C2CD3: variants seen among roughly 807,000 people sequenced by gnomAD.
C2CD3 encodes C2 domain containing 3 centriole elongation regulator, also known as C2 domain-containing protein 3.
A neutral mutation model predicts 234.0 loss-of-function variants in C2CD3; 148 were observed. The ratio of observed to expected loss-of-function variants is 0.63; its 90% CI spans 0.55 to 0.72. C2CD3 has a LOEUF of 0.72. Among genes scored for constraint, C2CD3 ranks in the 30% least tolerant of loss-of-function variants. The pLI is 0.00. For missense variants in C2CD3, 2,577 were observed against 2,811.5 expected, an observed-to-expected ratio of 0.92 and a Z score of 1.89; for synonymous variants, 1,000 against 1,035.4, an observed-to-expected ratio of 0.97 and a Z score of 0.66.
chr11:74,049,612 A>C, intron 26 of C2CD3, 70 bp from the exon 27 acceptor site: 1 of 1,205,870 alleles, frequency 8.3e-7, no homozygotes. Flanking sequence ...GAGGGTGCAC[A>C]CAGAGAAGCT....
At chr11:74,060,842 T>C (rs185912541) in intron 24 of C2CD3, among the ~76,000 whole-genome samples, 17 of 152,264 alleles carry the variant, frequency 1.1e-4, no homozygotes, top group Admixed American at 6.5e-4. Context: ...TAAAGGAGGA[T>C]GTTCGAACCC....
chr11:74,119,901 G>T (rs1173478803), intron 8 of C2CD3, among the ~76,000 whole-genome samples: 1 of 152,076 alleles, frequency 6.6e-6, no homozygotes. Context: ...CTCCTGAAGT[G>T]CTGGGATTAC....
chr11:74,061,269 C>T (rs1011240053), intron 24 of C2CD3, among the ~76,000 whole-genome samples: 10 of 152,134 alleles, frequency 6.6e-5, no homozygotes, highest in African/African-American at 2.2e-4. Flanking sequence ...TCAGGAAATA[C>T]AGAGAATGCC....
intron 8 of C2CD3, among the ~76,000 whole-genome samples, chr11:74,121,494 C>G (rs1243922247): frequency 6.6e-6 from 1 of 151,358 alleles, no homozygotes; most frequent in Non-Finnish European, 1.5e-5. Context: ...GTAATCCCAG[C>G]TACTCGGGAG....
At chr11:74,087,582 G>A (rs1254501542) in intron 20 of C2CD3, among the ~76,000 whole-genome samples, 1 of 151,814 alleles carries the variant, frequency 6.6e-6, no homozygotes, top group Non-Finnish European at 1.5e-5. Flanking sequence ...AAAAAATGAG[G>A]ATAAAATACT....
chr11:74,090,071 T>A (rs1293201393), intron 20 of C2CD3, among the ~76,000 whole-genome samples: 1 of 151,918 alleles, frequency 6.6e-6, no homozygotes, highest in Non-Finnish European at 1.5e-5. Flanking sequence ...GAAAATATGC[T>A]TGGTGTGTTC....
chr11:74,083,664 T>C (rs1955499728), intron 22 of C2CD3, among the ~76,000 whole-genome samples: 1 of 152,166 alleles, frequency 6.6e-6, no homozygotes, highest in Non-Finnish European at 1.5e-5. Context: ...AAAGAAGACA[T>C]TTATGCAGCC....
intron 3 of C2CD3, among the ~76,000 whole-genome samples, chr11:74,153,384 G>C (rs1855805946): frequency 6.6e-6 from 1 of 152,136 alleles, no homozygotes; most frequent in African/African-American, 2.4e-5. Flanking sequence ...AAGGCATATA[G>C]ATTAGAAAAG....
At chr11:74,052,383 CT>C (rs1459204411) in intron 26 of C2CD3, among the ~76,000 whole-genome samples, 3 of 152,152 alleles carry the variant, frequency 2.0e-5, no homozygotes, top group Non-Finnish European at 4.4e-5. Flanking sequence ...TACTATTATT[CT>C]AATTTTATAA....
Position 74,033,785 on chromosome 11 carries a change from G to T in C2CD3, c.6375C>A (p.Val2125=). The change falls in exon 31 of 33, where the codon GTC becomes GTA. Residue 2125 remains valine (V), a synonymous_variant. Coordinates refer to ENST00000334126, the MANE Select transcript of C2CD3 (RefSeq NM_001286577.2). The part of the protein sequence containing the change: ...PGPFCREELM[V]KSSFLSSPER... ...CTGGGCTGGAGAGAAAGCTACTTTT[G>T]ACCATAAGCTCCTCTCTGCAGAAAG... The T allele has an allele frequency of 1.3e-6, 2 of 1,536,294 alleles. No individual in the cohort carries two copies. The highest frequency in any genetic ancestry group is 1.2e-5 in the South Asian group (1 of 84,002).
At chr11:74,152,570 A>G (rs542570679) in intron 3 of C2CD3, among the ~76,000 whole-genome samples, 1 of 152,370 alleles carries the variant, frequency 6.6e-6, no homozygotes, top group African/African-American at 2.4e-5. Context: ...AGACAATGCA[A>G]CAAAACAATA....
chr11:74,169,021 T>C (rs1051439892), intron 1 of C2CD3, among the ~76,000 whole-genome samples: 2 of 152,226 alleles, frequency 1.3e-5, no homozygotes, highest in Non-Finnish European at 2.9e-5. Context: ...TATTGCAACA[T>C]CTATGGTTTT....
At chr11:74,040,861 C>T (rs1953004950) in intron 29 of C2CD3, among the ~76,000 whole-genome samples, 1 of 151,708 alleles carries the variant, frequency 6.6e-6, no homozygotes, top group Non-Finnish European at 1.5e-5. Flanking sequence ...GGTGTTCGAG[C>T]CCAGCCTGGG....
At position 74,139,712 on chromosome 11, in the gene C2CD3, T is replaced by G. The variant is rs1233471830; in HGVS notation, c.600A>C (p.Glu200Asp). The G allele has an allele frequency of 6.2e-7, 1 of 1,613,402 alleles. No individual in the cohort carries two copies. The highest frequency in any genetic ancestry group is 8.5e-7 in the Non-Finnish European group (1 of 1,179,490). ...LSKQGFRENT[E>D]PSSTQFQVPS... Reference sequence around the variant, plus strand: ...GAACCTGAAACTGGGTACTGCTGGGTTCAGTATTCTCTCTGAATCCCTGCT... The same window carrying G: ...GAACCTGAAACTGGGTACTGCTGGGGTCAGTATTCTCTCTGAATCCCTGCT... Residue 200 changes from glutamate (E) to aspartate (D), a missense_variant, in exon 4 of 33, where the codon GAA becomes GAC. Coordinates refer to ENST00000334126, the MANE Select transcript of C2CD3 (RefSeq NM_001286577.2).
At chr11:74,164,573 G>A (rs959778527) in intron 2 of C2CD3, among the ~76,000 whole-genome samples, 4 of 152,086 alleles carry the variant, frequency 2.6e-5, no homozygotes, top group East Asian at 1.9e-4. Flanking sequence ...GATAATACCC[G>A]TTGCAAATGT....
At chr11:74,114,824 C>T (rs1956871544) in intron 9 of C2CD3, among the ~76,000 whole-genome samples, 1 of 152,130 alleles carries the variant, frequency 6.6e-6, no homozygotes, top group African/African-American at 2.4e-5. Context: ...ACCTCAACTT[C>T]CCAAGTAGCT....
chr11:74,058,579 T>C (rs535028242), intron 24 of C2CD3, among the ~76,000 whole-genome samples: 26 of 152,326 alleles, frequency 1.7e-4, no homozygotes, highest in African/African-American at 6.0e-4. Flanking sequence ...AATTCAAGCA[T>C]TCTGGCTCCA....
intron 28 of C2CD3, among the ~76,000 whole-genome samples, chr11:74,045,181 C>T (rs80310207): frequency 0.021 from 3,155 of 152,280 alleles, 58 homozygotes; most frequent in Middle Eastern, 0.041. Flanking sequence ...AAAGACTAGT[C>T]TTTCCTCATT....
intron 3 of C2CD3, among the ~76,000 whole-genome samples, chr11:74,147,052 AAAAATAAAAT>A (rs200057554): frequency 2.5e-4 from 37 of 149,598 alleles, no homozygotes; most frequent in South Asian, 1.1e-3. Flanking sequence ...CTCTGTCTCA[AAAAATAAAAT>A]AAAATAAAAT....
Sources: allele counts gnomAD v4.1 joint callset (sites outside exome capture counted in the v4.1 genomes callset), GRCh38; gene constraint gnomAD v4.1.1; transcripts MANE v1.5; gene names NCBI Gene and HGNC (gene_info 2026-07-23, HGNC 2026-07-21).